Variants in EXOC4 observed in about 807,000 individuals in gnomAD.
EXOC4 encodes exocyst complex component 4, also known as SEC8-like 1.
In EXOC4, 71 loss-of-function variants were observed where a neutral mutation model predicts 107.2. The observed-to-expected ratio is 0.66, with a 90% confidence interval of 0.55 to 0.81. The LOEUF (loss-of-function observed/expected upper bound fraction) is 0.81, where lower values mean the gene tolerates loss of function less well. Ranked by LOEUF, EXOC4 falls within the 30% of genes least tolerant of loss-of-function variation. EXOC4 has a pLI of 0.00. For missense variants in EXOC4, 1,108 were observed against 1,189.6 expected (o/e 0.93, Z 1.01); for synonymous variants, 456 against 441.2 (o/e 1.03, Z -0.42).
intron 7 of EXOC4, among the ~76,000 whole-genome samples, chr7:133,416,646 T>C (rs930195896): frequency 3.3e-5 from 5 of 152,206 alleles, no homozygotes; most frequent in Non-Finnish European, 5.9e-5. Context: ...ACCTCACTCA[T>C]GATCGGTCAA....
chr7:133,698,587 A>T (rs550736615), intron 10 of EXOC4, among the ~76,000 whole-genome samples: 85 of 151,548 alleles, frequency 5.6e-4, no homozygotes, highest in African/African-American at 2.0e-3. Context: ...AAAAAAAAAA[A>T]ATATAGAAGA....
intron 14 of EXOC4, among the ~76,000 whole-genome samples, chr7:133,941,025 C>CTTT (rs774809098): frequency 1.4e-5 from 2 of 143,898 alleles, no homozygotes; most frequent in African/African-American, 2.5e-5. Flanking sequence ...TTCTTTTTTT[C>CTTT]TTTTTTTTTT....
intron 6 of EXOC4, among the ~76,000 whole-genome samples, chr7:133,372,415 G>T (rs927551706): frequency 6.6e-6 from 1 of 152,198 alleles, no homozygotes; most frequent in Non-Finnish European, 1.5e-5. Context: ...ATAGGAACAG[G>T]CCTGTTTTGG....
chr7:133,877,294 A>G (rs894337881), intron 11 of EXOC4, among the ~76,000 whole-genome samples: 2 of 151,490 alleles, frequency 1.3e-5, no homozygotes, highest in Admixed American at 6.6e-5. Flanking sequence ...CTCCTCATAT[A>G]TTTTCCAACT....
chr7:133,652,074 A>G (rs1803170308), intron 10 of EXOC4, among the ~76,000 whole-genome samples: 1 of 152,204 alleles, frequency 6.6e-6, no homozygotes, highest in Non-Finnish European at 1.5e-5. Context: ...TTTCTTTTCC[A>G]AGTAATTCGG....
intron 11 of EXOC4, among the ~76,000 whole-genome samples, chr7:133,824,792 C>G (rs549560766): frequency 2.6e-4 from 40 of 152,194 alleles, no homozygotes; most frequent in Admixed American, 1.0e-3. Flanking sequence ...GTGGCGTTCT[C>G]CCGTGTGTCT....
At chr7:133,277,812 A>T (rs1183332428) in intron 2 of EXOC4, among the ~76,000 whole-genome samples, 2 of 152,334 alleles carry the variant, frequency 1.3e-5, no homozygotes, top group Non-Finnish European at 2.9e-5. Flanking sequence ...ATTTTGTACC[A>T]TGACAGTCCA....
chr7:133,599,158 A>G (rs1339627204), intron 9 of EXOC4, among the ~76,000 whole-genome samples: 1 of 152,092 alleles, frequency 6.6e-6, no homozygotes, highest in Non-Finnish European at 1.5e-5. Flanking sequence ...CACTTGTTTC[A>G]TTTTACCTTT....
chr7:133,868,536 G>C (rs1563035490), intron 11 of EXOC4, among the ~76,000 whole-genome samples: 1 of 152,116 alleles, frequency 6.6e-6, no homozygotes, highest in Non-Finnish European at 1.5e-5. Flanking sequence ...GGGCCTGAGG[G>C]ATCTAGAGAT....
At chr7:133,546,644 C>G (rs1383866894) in intron 9 of EXOC4, among the ~76,000 whole-genome samples, 1 of 152,066 alleles carries the variant, frequency 6.6e-6, no homozygotes, top group Non-Finnish European at 1.5e-5. Flanking sequence ...CCTTCCTTTT[C>G]AAAAGTTCCC....
chr7:133,614,879 C>CATACCAGAG (rs1412718784), intron 9 of EXOC4, among the ~76,000 whole-genome samples: 1 of 144,026 alleles, frequency 6.9e-6, no homozygotes, highest in African/African-American at 2.6e-5. Flanking sequence ...TAGCAGACAA[C>CATACCAGAG]ATACCAGAGG....
chr7:133,390,466 G>A (rs1452033213), intron 7 of EXOC4, among the ~76,000 whole-genome samples: 3 of 152,144 alleles, frequency 2.0e-5, no homozygotes, highest in Non-Finnish European at 4.4e-5. Context: ...AATAAAAGCC[G>A]AGTCCATAAG....
intron 17 of EXOC4, among the ~76,000 whole-genome samples, chr7:134,034,550 T>G (rs980972112): frequency 3.3e-5 from 5 of 152,188 alleles, no homozygotes; most frequent in Admixed American, 3.3e-4. Context: ...TCTGATGGTT[T>G]TATAAGGAGC....
At chr7:133,843,026 T>C (rs1261415605) in intron 11 of EXOC4, among the ~76,000 whole-genome samples, 1 of 152,210 alleles carries the variant, frequency 6.6e-6, no homozygotes, top group Non-Finnish European at 1.5e-5. Flanking sequence ...TTGATCTGTG[T>C]GTCTGTTTTG....
chr7:133,787,965 A>T (rs1405309571), intron 10 of EXOC4, among the ~76,000 whole-genome samples: 345 of 12,080 alleles, frequency 0.029, 9 homozygotes, highest in African/African-American at 0.082. Flanking sequence ...TTATATATTT[A>T]TATATATATA....
intron 10 of EXOC4, among the ~76,000 whole-genome samples, chr7:133,681,851 T>C (rs1056502010): frequency 1.3e-5 from 2 of 152,138 alleles, no homozygotes; most frequent in African/African-American, 4.8e-5. Context: ...AATTAATACA[T>C]ATGAAATGCT....
the EXOC4 span, among the ~76,000 whole-genome samples, chr7:134,095,422 T>C: frequency 6.6e-6 from 1 of 152,184 alleles, no homozygotes; most frequent in Admixed American, 6.5e-5. Context: ...TTCAATGTTA[T>C]TCCTATCGAA....
At chr7:133,790,991 G>A (rs533158702) in intron 10 of EXOC4, among the ~76,000 whole-genome samples, 4 of 152,228 alleles carry the variant, frequency 2.6e-5, no homozygotes, top group Non-Finnish European at 5.9e-5. Flanking sequence ...AGTTGTAGAC[G>A]TAATTAGGTT....
At position 133,422,957 on chromosome 7, in the gene EXOC4, G is replaced by A. The variant is rs1395690243; in HGVS notation, c.1182+47955G>A. Among the ~76,000 whole-genome samples, 5 of 41,444 alleles carry A rather than the reference G, an allele frequency of 1.2e-4. 2 individuals are homozygous for A. Among genetic ancestry groups the A allele is most frequent in the Non-Finnish European group, 1.7e-4 (4 of 23,702 alleles). The allele number at this position is 41,444 out of a possible 152,430, so 27.2% of individuals were successfully genotyped here. A position where few individuals can be genotyped will look rare whatever the true frequency, so the allele number is the denominator to read the frequency against. ...GAGCAGGCCGGGCGCGGTGGCTCACGCCTGTAATCCCAGCACTTTGGGAGG... is the reference window on the plus strand; with the variant it reads ...GAGCAGGCCGGGCGCGGTGGCTCACACCTGTAATCCCAGCACTTTGGGAGG... On this transcript the variant is annotated intron_variant, in intron 7 of 17. Transcript: ENST00000253861.
Sources: gnomAD v4.1 joint callset for allele counts (sites outside exome capture counted in the v4.1 genomes callset) on GRCh38, gnomAD v4.1.1 for gene constraint, MANE v1.5 for transcripts, NCBI Gene and HGNC (gene_info 2026-07-23, HGNC 2026-07-21) for gene names.